The following RALGAPA1 variants were observed in gnomAD, a reference collection of about 807,000 sequenced individuals.
RALGAPA1 encodes the protein ral GTPase-activating protein subunit alpha-1.
Under a neutral mutation model 269.6 loss-of-function variants are expected in RALGAPA1, and 52 were observed. The ratio of observed to expected loss-of-function variants is 0.19; its 90% CI spans 0.15 to 0.24. The LOEUF (loss-of-function observed/expected upper bound fraction) is 0.24. Ranked by LOEUF, RALGAPA1 falls within the 10% of genes least tolerant of loss-of-function variation. RALGAPA1 has a pLI of 1.00. For missense variants in RALGAPA1, 1,917 were observed against 3,013.9 expected (o/e 0.64, Z 8.52); for synonymous variants, 817 against 1,008.3 (o/e 0.81, Z 3.60).
intron 37 of RALGAPA1, among the ~76,000 whole-genome samples, chr14:35,589,659 A>G (rs1396438149): frequency 1.3e-5 from 2 of 152,166 alleles, no homozygotes; most frequent in Non-Finnish European, 2.9e-5. Flanking sequence ...TTTAAAAATT[A>G]TGCCCATGGA....
At chr14:35,758,823 T>C (rs913676338) in intron 6 of RALGAPA1, among the ~76,000 whole-genome samples, 5 of 152,196 alleles carry the variant, frequency 3.3e-5, no homozygotes, top group African/African-American at 1.2e-4. Context: ...ATAGAACATC[T>C]GTTAAGTAGA....
At chr14:35,725,231 A>G (rs1251266704) in intron 13 of RALGAPA1, 78 bp from the exon 14 acceptor site, 1 of 990,728 alleles carries the variant, frequency 1.0e-6, no homozygotes, top group Non-Finnish European at 1.4e-6. Flanking sequence ...TCAAATACAT[A>G]CTTCTTATAA....
chr14:35,781,442 G>A (rs1211087159), intron 1 of RALGAPA1, among the ~76,000 whole-genome samples: 1 of 152,072 alleles, frequency 6.6e-6, no homozygotes, highest in Non-Finnish European at 1.5e-5. Flanking sequence ...AAAAAATAGA[G>A]TATATTTCCC....
At chr14:35,699,764 GT>G (rs972648597) in intron 17 of RALGAPA1, among the ~76,000 whole-genome samples, 29 of 151,962 alleles carry the variant, frequency 1.9e-4, no homozygotes, top group African/African-American at 6.5e-4. Context: ...GATATTATTA[GT>G]CAAAACAATG....
At chr14:35,690,093 TA>T (rs988065947) in intron 17 of RALGAPA1, 90 bp from the exon 18 acceptor site, 70 of 966,438 alleles carry the variant, frequency 7.2e-5, no homozygotes, top group Middle Eastern at 3.4e-4. Flanking sequence ...GCATATGCTT[TA>T]AAAAAAATCT....
Position 35,721,724 on chromosome 14 carries a change from C to T in RALGAPA1, c.2230G>A (p.Glu744Lys). The part of the protein sequence containing the change: ...SATTTGSPGT[E>K]KARSIVRQKT... ...TGCCGTACTATACTCCTCGCCTTTT[C>T]GGTTCCTGGAGAACCAGTGGTTGTT... is the stretch of plus-strand genomic sequence containing the variant. The change falls in exon 16 of 42, where the codon GAA becomes AAA. Residue 744 changes from glutamate to lysine, a missense_variant. Glu to Lys is a moderately conservative substitution (Grantham distance 56, BLOSUM62 1). This residue lies in a region of RALGAPA1 where 125 missense variants were observed against 155.7 expected (regional missense o/e 0.80). Coordinates refer to ENST00000680220, the MANE Select transcript of RALGAPA1 (RefSeq NM_001346249.2). 1.2e-6 allele frequency: 2 copies of T among 1,613,806 alleles called. No individual in the cohort carries two copies. The highest frequency in any genetic ancestry group is 1.7e-6 in the Non-Finnish European group (2 of 1,179,880).
chr14:35,630,183 G>T (rs955229173), intron 33 of RALGAPA1, among the ~76,000 whole-genome samples: 5 of 152,136 alleles, frequency 3.3e-5, no homozygotes, highest in Admixed American at 2.6e-4. Context: ...TTTCCTTTGG[G>T]CTTTGGTTGA....
At chr14:35,628,523 C>T (rs2061130072) in intron 33 of RALGAPA1, among the ~76,000 whole-genome samples, 1 of 152,140 alleles carries the variant, frequency 6.6e-6, no homozygotes, top group South Asian at 2.1e-4. Flanking sequence ...ATCTGTTCAA[C>T]TGATAAGTTT....
chr14:35,806,464 T>C (rs948945942), intron 1 of RALGAPA1, among the ~76,000 whole-genome samples: 11 of 152,160 alleles, frequency 7.2e-5, no homozygotes, highest in African/African-American at 2.7e-4. Context: ...ACAGTATCAA[T>C]AAACATACCA....
intron 22 of RALGAPA1, 130 bp downstream of exon 22, chr14:35,677,820 C>G (rs1008315876): frequency 4.7e-5 from 37 of 793,008 alleles, no homozygotes; most frequent in Non-Finnish European, 6.8e-5. Flanking sequence ...AACAAATTTC[C>G]AAAGGACTTA....
chr14:35,551,777 A>C (rs940033451), intron 39 of RALGAPA1, among the ~76,000 whole-genome samples: 15 of 152,064 alleles, frequency 9.9e-5, no homozygotes, highest in African/African-American at 3.4e-4. Flanking sequence ...AAATCCTAAT[A>C]CACAGCTGCA....
At chr14:35,748,940 T>C (rs2072411894) in intron 9 of RALGAPA1, 116 bp from the exon 10 acceptor site, 1 of 1,394,264 alleles carries the variant, frequency 7.2e-7, no homozygotes. Context: ...AAGTAATTTA[T>C]ACCACTGCTT....
intron 41 of RALGAPA1, among the ~76,000 whole-genome samples, chr14:35,544,771 G>A (rs775621479): frequency 6.6e-6 from 1 of 152,192 alleles, no homozygotes; most frequent in Non-Finnish European, 1.5e-5. Flanking sequence ...AATTAGCCAG[G>A]TATGGTGACT....
At chr14:35,767,530 A>AT (rs2074251003) in intron 4 of RALGAPA1, among the ~76,000 whole-genome samples, 1 of 152,062 alleles carries the variant, frequency 6.6e-6, no homozygotes, top group African/African-American at 2.4e-5. Flanking sequence ...TACTAAAAAT[A>AT]CAAAAATTAG....
intron 3 of RALGAPA1, among the ~76,000 whole-genome samples, chr14:35,771,373 A>G (rs1337001599): frequency 6.6e-6 from 1 of 152,134 alleles, no homozygotes; most frequent in Non-Finnish European, 1.5e-5. Flanking sequence ...CAGCCTGGTC[A>G]ATAAGAGCAA....
intron 5 of RALGAPA1, among the ~76,000 whole-genome samples, chr14:35,761,854 TA>T (rs2073731227): frequency 6.6e-6 from 1 of 152,198 alleles, no homozygotes; most frequent in Non-Finnish European, 1.5e-5. Context: ...TTCAGCCAGA[TA>T]ACAGGAGAAA....
chr14:35,786,511 G>T (rs538580487), intron 1 of RALGAPA1, among the ~76,000 whole-genome samples: 1 of 151,518 alleles, frequency 6.6e-6, no homozygotes, highest in Non-Finnish European at 1.5e-5. Context: ...GCTGGCAGGC[G>T]CCTGTAGTCC....
intron 33 of RALGAPA1, among the ~76,000 whole-genome samples, chr14:35,633,543 T>C (rs1344250339): frequency 6.6e-6 from 1 of 152,166 alleles, no homozygotes; most frequent in East Asian, 1.9e-4. Context: ...ATAAATACTT[T>C]TGGTTTTGTG....
At chr14:35,643,530 T>C (rs943384969) in intron 31 of RALGAPA1, among the ~76,000 whole-genome samples, 14 of 152,166 alleles carry the variant, frequency 9.2e-5, no homozygotes, top group African/African-American at 3.1e-4. Flanking sequence ...ATCCTACTGC[T>C]AGGTATATAC....
Sources: gnomAD v4.1 joint callset for allele counts (sites outside exome capture counted in the v4.1 genomes callset) on GRCh38, gnomAD v4.1.1 for gene constraint, gnomAD v4.1.1 regional missense constraint, MANE v1.5 for transcripts, NCBI Gene and HGNC (gene_info 2026-07-23, HGNC 2026-07-21) for gene names.